The following TAAR1 variants were observed in gnomAD, a reference collection of about 807,000 sequenced individuals.
TAAR1 encodes trace amine-associated receptor 1.
In TAAR1, 1 loss-of-function variant was observed where a neutral mutation model predicts 1.2. The ratio of observed to expected loss-of-function variants is 0.81; its 90% confidence interval spans 0.29 to 3.86. TAAR1 has a LOEUF of 3.86. TAAR1 is among the 30% of genes most tolerant of loss of function. The pLI is 0.18. For missense variants in TAAR1, 445 were observed against 405.6 expected, an observed-to-expected ratio of 1.10 and a Z score of -0.83; for synonymous variants, 153 against 132.2, an observed-to-expected ratio of 1.16 and a Z score of -1.08.
At chr6:132,656,167 A>T (rs116987491) in intron 1 of TAAR1, among the ~76,000 whole-genome samples, 1 of 152,152 alleles carries the variant, frequency 6.6e-6, no homozygotes, top group Admixed American at 6.5e-5. Context: ...AAAAACAACC[A>T]AACAAAAAGA....
At chr6:132,655,239 A>G (rs1777791731) in intron 1 of TAAR1, among the ~76,000 whole-genome samples, 1 of 152,220 alleles carries the variant, frequency 6.6e-6, no homozygotes, top group South Asian at 2.1e-4. Context: ...GAAATGATAC[A>G]GACATTTTGA....
At chr6:132,647,811 A>G (rs1045458988) in intron 1 of TAAR1, among the ~76,000 whole-genome samples, 2 of 152,162 alleles carry the variant, frequency 1.3e-5, no homozygotes, top group African/African-American at 4.8e-5. Flanking sequence ...AACAATTCCT[A>G]GAATTCCAGG....
chr6:132,654,442 T>A (rs1582753845), intron 1 of TAAR1, among the ~76,000 whole-genome samples: 1 of 152,226 alleles, frequency 6.6e-6, no homozygotes, highest in Non-Finnish European at 1.5e-5. Flanking sequence ...ATAGTAAGTG[T>A]AGTTTGGTCT....
At chr6:132,647,627 AG>A (rs56802067) in intron 1 of TAAR1, among the ~76,000 whole-genome samples, 2 of 56,436 alleles carry the variant, frequency 3.5e-5, no homozygotes, top group African/African-American at 2.8e-4. Flanking sequence ...GAAAAAGGAA[AG>A]AAAGAAAGAA....
intron 1 of TAAR1, among the ~76,000 whole-genome samples, chr6:132,649,366 T>G (rs1207295249): frequency 6.6e-6 from 1 of 152,100 alleles, no homozygotes; most frequent in Non-Finnish European, 1.5e-5. Flanking sequence ...CTCTTCATAT[T>G]ATATGATCTG....
intron 1 of TAAR1, among the ~76,000 whole-genome samples, chr6:132,654,819 A>G (rs147008295): frequency 1.3e-5 from 2 of 152,328 alleles, no homozygotes; most frequent in African/African-American, 4.8e-5. Flanking sequence ...CTCTGCACAA[A>G]TTAAGCATCG....
chr6:132,657,042 G>T (rs1231116455), intron 1 of TAAR1, among the ~76,000 whole-genome samples: 1 of 152,022 alleles, frequency 6.6e-6, no homozygotes, highest in African/African-American at 2.4e-5. Context: ...ATTGAAAGGG[G>T]TTATGTTAAT....
intron 1 of TAAR1, among the ~76,000 whole-genome samples, chr6:132,654,207 G>A (rs1245483862): frequency 1.3e-5 from 2 of 149,034 alleles, no homozygotes; most frequent in Admixed American, 1.3e-4. Context: ...TCAAAGCCCA[G>A]CTTTTAAAAG....
chr6:132,646,786 G>A (rs983324600), intron 1 of TAAR1, among the ~76,000 whole-genome samples: 2 of 151,984 alleles, frequency 1.3e-5, no homozygotes, highest in African/African-American at 4.8e-5. Flanking sequence ...CATTTTACTG[G>A]CAAGAAATTG....
At chr6:132,657,776 G>A (rs536102798) in intron 1 of TAAR1, among the ~76,000 whole-genome samples, 5 of 151,902 alleles carry the variant, frequency 3.3e-5, no homozygotes, top group Non-Finnish European at 4.4e-5. Flanking sequence ...TTTTAGCAAC[G>A]TTTTTACCTG....
At chr6:132,648,176 T>C (rs1562203242) in intron 1 of TAAR1, among the ~76,000 whole-genome samples, 2 of 152,212 alleles carry the variant, frequency 1.3e-5, no homozygotes, top group East Asian at 3.8e-4. Context: ...TTAAGTTATA[T>C]ATTTTCTAGT....
intron 1 of TAAR1, among the ~76,000 whole-genome samples, chr6:132,647,295 G>T (rs1222807941): frequency 6.6e-6 from 1 of 151,106 alleles, no homozygotes; most frequent in Non-Finnish European, 1.5e-5. Context: ...TGTCCCTTTT[G>T]TTTCTATATG....
chr6:132,646,277 T>A (rs1038982053), intron 1 of TAAR1, among the ~76,000 whole-genome samples, 148 bp from the exon 2 acceptor site: 1 of 152,178 alleles, frequency 6.6e-6, no homozygotes, highest in Non-Finnish European at 1.5e-5. Context: ...CAGCAATTTT[T>A]AAAAAACTTT....
In TAAR1 at chr6:132,654,490, T is replaced by A. The variant is rs182954752; in HGVS notation, c.-127+4640A>T. Among the ~76,000 whole-genome samples, 641 of 152,334 alleles carry A rather than the reference T, an allele frequency of 4.2e-3. 4 individuals carry two copies. The highest frequency in any genetic ancestry group is 0.014 in the Middle Eastern group (4 of 294). On this transcript the variant is annotated intron_variant, in intron 1 of 1. Coordinates refer to ENST00000275216, the MANE Select transcript of TAAR1 (RefSeq NM_138327.4). ...CTGTAGCCCTAAAATAATGTACCTT[T>A]ACAGGAACAAATATAGGCTGACCTT... is the stretch of plus-strand genomic sequence containing the variant.
At position 132,655,041 on chromosome 6, in the gene TAAR1, C is replaced by A. The variant is rs111264302; in HGVS notation, c.-127+4089G>T. ...CATGACCGCCAAAAAAAATCCTACA[C>A]CCCTGATATGAGCTAACAATGAAAG... On this transcript the variant is annotated intron_variant, in intron 1 of 1. Transcript: ENST00000275216. Among the ~76,000 whole-genome samples, 8 of 152,262 alleles carry A rather than the reference C, an allele frequency of 5.3e-5. No homozygotes were observed. In the East Asian group the frequency reaches 1.5e-3, roughly 29 times the overall value.
At chr6:132,648,500 C>G (rs1231668116) in intron 1 of TAAR1, among the ~76,000 whole-genome samples, 1 of 152,172 alleles carries the variant, frequency 6.6e-6, no homozygotes, top group Admixed American at 6.5e-5. Flanking sequence ...ACCAAAATGA[C>G]TCAGAGGTTA....
chr6:132,645,486 T>C lies in TAAR1; in HGVS notation c.518A>G (p.Tyr173Cys). ...ACCTCCTCTGCAGTGAACATGTTTG[T>C]AATATATCTCTTCAGCGCCTTTGAA... The part of the protein sequence containing the change: ...LNFKGAEEIY[Y>C]KHVHCRGGCS... The change falls in exon 2 of 2, where the codon TAC becomes TGC. Residue 173 changes from tyrosine (Y) to cysteine (C), a missense_variant. Physicochemically the swap from Tyr to Cys is radical, Grantham distance 194. Coordinates refer to ENST00000275216, the MANE Select transcript of TAAR1 (RefSeq NM_138327.4). 1.2e-6 allele frequency: 2 copies of C among 1,613,798 alleles called. No homozygotes were observed. Among genetic ancestry groups the C allele is most frequent in the Non-Finnish European group, 1.7e-6 (2 of 1,179,826 alleles).
chr6:132,657,103 A>G (rs1777811945), intron 1 of TAAR1, among the ~76,000 whole-genome samples: 2 of 152,304 alleles, frequency 1.3e-5, no homozygotes, highest in East Asian at 3.9e-4. Flanking sequence ...AAAAACAAAT[A>G]AATTTCAAGG....
intron 1 of TAAR1, among the ~76,000 whole-genome samples, chr6:132,647,467 A>G (rs1777688363): frequency 6.7e-6 from 1 of 150,336 alleles, no homozygotes; most frequent in Admixed American, 6.7e-5. Context: ...AGGAAGAAAG[A>G]AAAGAGAGAG....
Sources: allele counts gnomAD v4.1 joint callset (sites outside exome capture counted in the v4.1 genomes callset), GRCh38; gene constraint gnomAD v4.1.1; transcripts MANE v1.5; gene names NCBI Gene and HGNC (gene_info 2026-07-23, HGNC 2026-07-21).